WDPCP: variants seen among roughly 807,000 people sequenced by gnomAD.
The protein encoded by WDPCP is WD repeat containing planar cell polarity effector.
In WDPCP, 71 loss-of-function variants were observed where a neutral mutation model predicts 93.1. The observed-to-expected ratio is 0.76, with a 90% CI of 0.63 to 0.93. WDPCP has a LOEUF of 0.93. Among genes scored for constraint, WDPCP ranks in the 40% least tolerant of loss-of-function variants. The probability of loss-of-function intolerance (pLI) is 0.00; values close to 1 mark genes in which losing one functional copy is unlikely to be tolerated. For missense variants in WDPCP, 844 were observed against 887.4 expected (o/e 0.95, Z 0.62); for synonymous variants, 315 against 315.0 (o/e 1.00, Z 0.00).
intron 2 of WDPCP, among the ~76,000 whole-genome samples, chr2:63,793,003 C>T (rs945763223): frequency 6.6e-6 from 1 of 151,900 alleles, no homozygotes; most frequent in African/African-American, 2.4e-5. Flanking sequence ...GAGGTATGCT[C>T]TCCTCTTCTT....
chr2:63,716,164 A>T (rs1420353462), intron 2 of WDPCP, among the ~76,000 whole-genome samples: 2 of 152,200 alleles, frequency 1.3e-5, no homozygotes, highest in Non-Finnish European at 2.9e-5. Context: ...CTCTGAAGGG[A>T]CAGTCCACTT....
At chr2:63,679,799 C>T (rs1710470021) in intron 2 of WDPCP, among the ~76,000 whole-genome samples, 1 of 152,068 alleles carries the variant, frequency 6.6e-6, no homozygotes, top group Admixed American at 6.5e-5. Flanking sequence ...CTGTATGGAG[C>T]ACTTTGAATC....
At chr2:63,592,372 A>G (rs748116698), upstream of WDPCP, among the ~76,000 whole-genome samples, 28 of 152,296 alleles carry the variant, frequency 1.8e-4, no homozygotes, top group Non-Finnish European at 3.5e-4. Context: ...TTTGTTTGAG[A>G]CAGGATCTCA....
chr2:63,717,556 C>A, intron 2 of WDPCP: 1 of 509,802 alleles, frequency 2.0e-6, no homozygotes, highest in South Asian at 1.4e-5. Flanking sequence ...GCCATGCAGT[C>A]TTCTAAGGAA....
intron 2 of WDPCP, among the ~76,000 whole-genome samples, chr2:63,696,544 G>A (rs975072656): frequency 6.6e-6 from 1 of 152,160 alleles, no homozygotes; most frequent in African/African-American, 2.4e-5. Flanking sequence ...AGCTCCAAGA[G>A]AAGGCAGAGC....
intron 1 of WDPCP, among the ~76,000 whole-genome samples, chr2:63,524,786 A>T (rs1385918546): frequency 6.6e-6 from 1 of 152,218 alleles, no homozygotes; most frequent in African/African-American, 2.4e-5. Context: ...TCTGCACAGC[A>T]ACATAAACTA....
intron 2 of WDPCP, among the ~76,000 whole-genome samples, chr2:63,693,439 T>TTAGATAGATAGG (rs1668916928): frequency 6.9e-6 from 1 of 145,412 alleles, no homozygotes; most frequent in Admixed American, 7.0e-5. Flanking sequence ...GATATAGATA[T>TTAGATAGATAGG]TAGATAGATA....
At chr2:63,553,833 A>G (rs535440886) in intron 1 of WDPCP, among the ~76,000 whole-genome samples, 62 of 152,272 alleles carry the variant, frequency 4.1e-4, no homozygotes, top group African/African-American at 1.4e-3. Context: ...TTAACATTTT[A>G]CCTCATTCAA....
In WDPCP at chr2:63,214,499, A is replaced by C. The variant is rs542280425; in HGVS notation, c.1916-39667T>G. Among the ~76,000 whole-genome samples the C allele has an allele frequency of 3.3e-5, 5 of 152,334 alleles. No individual in the cohort carries two copies. The Middle Eastern group carries it at 0.01, about 311-fold the overall frequency. ...AAAATAATAAGAGCTATTTATGACA[A>C]ACCCGCAGCCAGTATCATACTGAAT... On this transcript the variant is annotated intron_variant, in intron 14 of 17. Coordinates refer to ENST00000272321, the MANE Select transcript of WDPCP (RefSeq NM_015910.7).
intron 3 of WDPCP, chr2:63,606,020 G>A: frequency 6.2e-7 from 1 of 1,613,518 alleles, no homozygotes; most frequent in East Asian, 2.2e-5. Context: ...ATTCCCTGTT[G>A]TAATCAAGGT....
intron 2 of WDPCP, among the ~76,000 whole-genome samples, chr2:63,704,493 T>G (rs1040742227): frequency 2.6e-5 from 4 of 152,174 alleles, no homozygotes; most frequent in African/African-American, 4.8e-5. Flanking sequence ...ATTTATTGAG[T>G]GTTTTTAGCA....
intron 1 of WDPCP, among the ~76,000 whole-genome samples, chr2:63,520,089 A>C (rs1269972050): frequency 6.6e-6 from 1 of 152,240 alleles, no homozygotes; most frequent in South Asian, 2.1e-4. Flanking sequence ...TCATAATTAA[A>C]TCACAAATAT....
intron 3 of WDPCP, among the ~76,000 whole-genome samples, chr2:63,644,869 CTG>C (rs1322705856): frequency 3.9e-5 from 6 of 152,046 alleles, no homozygotes; most frequent in African/African-American, 1.4e-4. Flanking sequence ...TTTTTCATCT[CTG>C]TTTTGATTAT....
intron 14 of WDPCP, among the ~76,000 whole-genome samples, chr2:63,226,982 A>G (rs1026038674): frequency 6.6e-6 from 1 of 151,942 alleles, no homozygotes; most frequent in African/African-American, 2.4e-5. Flanking sequence ...ATGAACATCT[A>G]AGTAACCTAG....
At chr2:63,557,356 A>C (rs1182661965) in intron 1 of WDPCP, among the ~76,000 whole-genome samples, 4 of 152,226 alleles carry the variant, frequency 2.6e-5, no homozygotes, top group Non-Finnish European at 5.9e-5. Context: ...CAGGGGTTGC[A>C]ATTCTAGTTT....
exon 3 of WDPCP, chr2:63,650,698 G>C (rs926868966): frequency 1.1e-4 from 17 of 152,134 alleles, no homozygotes; most frequent in African/African-American, 4.1e-4. Context: ...GTTTCCTGGA[G>C]GTCCTTCTTG....
intron 2 of WDPCP, among the ~76,000 whole-genome samples, chr2:63,784,350 C>T (rs142171587): frequency 6.6e-6 from 1 of 152,172 alleles, no homozygotes; most frequent in African/African-American, 2.4e-5. Flanking sequence ...AATAATGTTG[C>T]CTTAGGTCAG....
intron 14 of WDPCP, among the ~76,000 whole-genome samples, chr2:63,187,513 TTACCACTGC>T (rs1383130385): frequency 6.6e-6 from 1 of 152,220 alleles, no homozygotes; most frequent in African/African-American, 2.4e-5. Context: ...TATTTTGTGG[TTACCACTGC>T]AATTGCAGAA....
intron 14 of WDPCP, among the ~76,000 whole-genome samples, chr2:63,189,706 C>G (rs1212393529): frequency 4.6e-5 from 7 of 152,114 alleles, no homozygotes. Flanking sequence ...TTTTTATATT[C>G]CATTAGAAGA....
Sources: gnomAD v4.1 joint callset for allele counts (sites outside exome capture counted in the v4.1 genomes callset) on GRCh38, gnomAD v4.1.1 for gene constraint, MANE v1.5 for transcripts, NCBI Gene and HGNC (gene_info 2026-07-23, HGNC 2026-07-21) for gene names.